SPTBN4: variants seen among roughly 807,000 people sequenced by gnomAD.
SPTBN4 encodes the protein spectrin beta, non-erythrocytic 4.
SPTBN4 carries 96 observed loss-of-function variants against 277.8 expected under a neutral mutation model. The observed-to-expected ratio is 0.35, with a 90% CI of 0.29 to 0.41. SPTBN4 has a LOEUF of 0.41. Among genes scored for constraint, SPTBN4 ranks in the 10% least tolerant of loss-of-function variants. SPTBN4 has a pLI of 1.00. For synonymous variants in SPTBN4, 1,481 were observed against 1,580.3 expected (o/e 0.94, Z 1.49); for missense variants, 3,006 against 3,595.7 (o/e 0.84, Z 4.19).
Position 40,515,922 on chromosome 19 carries a change from T to C in SPTBN4, c.2903+474T>C, listed in dbSNP as rs9710191. ...CACAAAATATATATATACACACACA[T>C]ATATATACACACATATATACGTATA... is the stretch of plus-strand genomic sequence containing the variant. On this transcript the variant is annotated intron_variant, in intron 15 of 35. Coordinates refer to ENST00000598249, the MANE Select transcript of SPTBN4 (RefSeq NM_020971.3). This position sits in a 1 kb window ranked among gnomAD's most constrained non-coding sequence, Gnocchi z 4.1. 2.8e-5 allele frequency among the ~76,000 whole-genome samples: 3 copies of C among 105,280 alleles called. No individual in the cohort carries two copies. The highest frequency in any genetic ancestry group is 1.6e-4 in the African/African-American group (3 of 18,332). 69.1% of individuals were successfully genotyped at this position (105,280 alleles called of 152,430 possible). A position where few individuals can be genotyped will look rare whatever the true frequency, so the allele number is the denominator to read the frequency against.
intron 30 of SPTBN4, chr19:40,567,165 G>A (rs1366779169): frequency 4.4e-6 from 2 of 455,110 alleles, no homozygotes; most frequent in Non-Finnish European, 8.8e-6. Flanking sequence ...GTGATGGCAC[G>A]TGCCTGTAGT....
Position 40,506,930 on chromosome 19 carries a change from G to A in SPTBN4, c.1816+544G>A, listed in dbSNP as rs2080337457. 2.0e-5 allele frequency among the ~76,000 whole-genome samples: 3 copies of A among 152,164 alleles called. No homozygotes were observed. The South Asian group carries it at 6.2e-4, about 32-fold the overall frequency. On this transcript the variant is annotated intron_variant, in intron 13 of 35. Coordinates refer to ENST00000598249, the MANE Select transcript of SPTBN4 (RefSeq NM_020971.3). ...GGCCAGGAATTGGAGGCTTCAGTGA[G>A]CCATGATCATGCCACTACACTCCAG...
chr19:40,560,069 C>T lies in SPTBN4; in HGVS notation c.5671-90C>T. The T allele has an allele frequency of 6.9e-7, 1 of 1,458,130 alleles. No homozygotes were observed. The highest frequency in any genetic ancestry group is 9.0e-7 in the Non-Finnish European group (1 of 1,109,768). 90.3% of individuals were successfully genotyped at this position (1,458,130 alleles called of 1,614,324 possible). A position where few individuals can be genotyped will look rare whatever the true frequency, so the allele number is the denominator to read the frequency against. On this transcript the variant is annotated intron_variant, in intron 26 of 35. Transcript: ENST00000598249. This position sits in a 1 kb window ranked among gnomAD's most constrained non-coding sequence, Gnocchi z 5.2. ...GATCACAGTGTGAGGCTCCTTATAT[C>T]TTGAGGTTCTGCGCTGGAGCAGATG... is the stretch of plus-strand genomic sequence containing the variant.
chr19:40,515,187 G>A lies in SPTBN4; in HGVS notation c.2766-124G>A. ...AAAATAAGCAGCAAGTAGAAGAGAA[G>A]GAGCCCACAAAGGAGGCTGAAAAGA... On this transcript the variant is annotated intron_variant, in intron 14 of 35. Transcript: ENST00000598249. The surrounding 1 kb of genome is among the most constrained non-coding windows in gnomAD (Gnocchi z 4.1). The A allele has an allele frequency of 1.1e-6, 1 of 884,970 alleles. No homozygotes were observed. Among genetic ancestry groups the A allele is most frequent in the South Asian group, 2.8e-5 (1 of 35,700 alleles). 54.8% of individuals were successfully genotyped at this position (884,970 alleles called of 1,614,324 possible). A position where few individuals can be genotyped will look rare whatever the true frequency, so the allele number is the denominator to read the frequency against.
rs1368076521 is a variant in SPTBN4, at chr19:40,478,060, G to A, written c.169+5270G>A. Among the ~76,000 whole-genome samples the A allele has an allele frequency of 3.9e-5, 6 of 152,014 alleles. No individual in the cohort carries two copies. In the East Asian group the frequency reaches 9.7e-4, roughly 25 times the overall value. ...TCACCATGTTGGCCAGGCTGGTCTC[G>A]AACTCCTGACATCAGGTGACCCACC... On this transcript the variant is annotated intron_variant, in intron 2 of 35. Coordinates refer to ENST00000598249, the MANE Select transcript of SPTBN4 (RefSeq NM_020971.3).
In SPTBN4 at chr19:40,489,743, G is replaced by C. The variant is rs148587335; in HGVS notation, c.322-332G>C. Among the ~76,000 whole-genome samples, 647 of 152,140 alleles carry C rather than the reference G, an allele frequency of 4.3e-3. 4 individuals carry two copies. The highest frequency in any genetic ancestry group is 6.8e-3 in the Middle Eastern group (2 of 294). On this transcript the variant is annotated intron_variant, in intron 3 of 35. Transcript: ENST00000598249. ...GAGAGGGATCCAATGGCAGGGCCAGGGCTGAGACTATGGGCTAGGAGGGCG... is the reference window on the plus strand; with the variant it reads ...GAGAGGGATCCAATGGCAGGGCCAGCGCTGAGACTATGGGCTAGGAGGGCG...
chr19:40,515,240 C>T lies in SPTBN4; in HGVS notation c.2766-71C>T, dbSNP rs2080440259. ...GGTGGATTGAGAATTAGGAGTAGAA[C>T]CAGTAGAAGGTATTTCATAAAACCA... On this transcript the variant is annotated intron_variant, in intron 14 of 35. Coordinates refer to ENST00000598249, the MANE Select transcript of SPTBN4 (RefSeq NM_020971.3). The surrounding 1 kb of genome is among the most constrained non-coding windows in gnomAD (Gnocchi z 4.1). 2 of 1,536,886 alleles carry T rather than the reference C, an allele frequency of 1.3e-6. No homozygotes were observed. The highest frequency in any genetic ancestry group is 4.3e-5 in the Admixed American group (2 of 46,434).
At chr19:40,478,786 G>A (rs1016814897) in intron 2 of SPTBN4, among the ~76,000 whole-genome samples, 16 of 152,080 alleles carry the variant, frequency 1.1e-4, no homozygotes, top group Admixed American at 3.9e-4. Flanking sequence ...ACCTCAAGTG[G>A]TCCACCTGCC....
chr19:40,542,383 C>T (rs530695245), intron 20 of SPTBN4, among the ~76,000 whole-genome samples: 2 of 152,184 alleles, frequency 1.3e-5, no homozygotes, highest in African/African-American at 2.4e-5. Context: ...AATCCTCTCT[C>T]GGGGCCTGTT....
Position 40,554,172 on chromosome 19 carries a change from A to T in SPTBN4, c.4700A>T (p.His1567Leu). 2 of 1,447,778 alleles carry T rather than the reference A, an allele frequency of 1.4e-6. No homozygotes were observed. The highest frequency in any genetic ancestry group is 1.8e-6 in the Non-Finnish European group (2 of 1,115,646). The allele number at this position is 1,447,778 out of a possible 1,614,324, so 89.7% of individuals were successfully genotyped here. ...NQGLRREIQAHGPRLEEVLER... is the reference protein window; with the variant it reads ...NQGLRREIQALGPRLEEVLER... ...GGCCTGCGGCGGGAGATCCAGGCGC[A>T]TGGGCCGCGCCTGGAGGAGGTGCTG... is the stretch of plus-strand genomic sequence containing the variant. The change falls in exon 23 of 36, where the codon CAT (histidine) becomes CTT (leucine). Residue 1567 changes from histidine to leucine, a missense_variant. Around this residue, in one of 5 missense-constraint regions of SPTBN4, gnomAD observed 1,759 missense variants for 2,061.5 expected, o/e 0.85. Coordinates refer to ENST00000598249, the MANE Select transcript of SPTBN4 (RefSeq NM_020971.3). This position sits in a 1 kb window ranked among gnomAD's most constrained non-coding sequence, Gnocchi z 5.7.
rs764259403 is a variant in SPTBN4, at chr19:40,570,526, C to G, written c.7117C>G (p.Arg2373Gly). Residue 2373 changes from arginine (R) to glycine (G), a missense_variant, in exon 33 of 36, where the codon CGG (arginine) becomes GGG (glycine). Around this residue, in one of 5 missense-constraint regions of SPTBN4, gnomAD observed 630 missense variants for 677.6 expected, o/e 0.93. Coordinates refer to ENST00000598249, the MANE Select transcript of SPTBN4 (RefSeq NM_020971.3). ...GCGGACACCTCGGCCGGACCGGCCC[C>G]GGGCGCGGGACCGGCCCAAGCCGCG... The part of the protein sequence containing the change: ...PERTPRPDRP[R>G]ARDRPKPRRR... 2 of 1,456,752 alleles carry G rather than the reference C, an allele frequency of 1.4e-6. No individual in the cohort carries two copies. The highest frequency in any genetic ancestry group is 1.4e-5 in the South Asian group (1 of 73,524). The allele number at this position is 1,456,752 out of a possible 1,614,324, so 90.2% of individuals were successfully genotyped here.
chr19:40,545,549 C>T (rs182973582), intron 20 of SPTBN4, among the ~76,000 whole-genome samples: 25 of 152,312 alleles, frequency 1.6e-4, no homozygotes, highest in Admixed American at 1.1e-3. Flanking sequence ...GTGCCCATCT[C>T]CCAACATCTT....
chr19:40,567,670 A>G lies in SPTBN4; in HGVS notation c.6344A>G (p.Lys2115Arg), dbSNP rs778576698. ...SSLRRLTTIE[K>R]IKAEQSKQPP... ...TGGTCCCTCCATCCTCAGATCGAGA[A>G]AATCAAAGCGGAACAGAGCAAGCAG... is the stretch of plus-strand genomic sequence containing the variant. Residue 2115 changes from lysine (K) to arginine (R), a missense_variant, in exon 31 of 36, where the codon AAA becomes AGA. By Grantham distance (26) the Lys-to-Arg change is conservative. Coordinates refer to ENST00000598249, the MANE Select transcript of SPTBN4 (RefSeq NM_020971.3). 2.8e-5 allele frequency: 43 copies of G among 1,524,178 alleles called. No homozygotes were observed. The South Asian group carries it at 4.2e-4, about 15-fold the overall frequency. 94.4% of individuals were successfully genotyped at this position (1,524,178 alleles called of 1,614,324 possible). A position where few individuals can be genotyped will look rare whatever the true frequency, so the allele number is the denominator to read the frequency against.
Position 40,513,237 on chromosome 19 carries a change from C to G in SPTBN4, c.2448C>G (p.Arg816=). 1 of 1,516,200 alleles carries G rather than the reference C, an allele frequency of 6.6e-7. No individual in the cohort carries two copies. 93.9% of individuals were successfully genotyped at this position (1,516,200 alleles called of 1,614,324 possible). The part of the protein sequence containing the change: ...ASSRRLARQH[R]ALTGEVEAHR... ...GCCGCCGCCTGGCGCGCCAGCACCG[C>G]GCGCTCACCGGGGAGGTGGAGGCAC... Residue 816 remains arginine, a synonymous_variant, in exon 14 of 36, where the codon CGC becomes CGG. Coordinates refer to ENST00000598249, the MANE Select transcript of SPTBN4 (RefSeq NM_020971.3).
At chr19:40,561,848 A>C (rs1034086178) in intron 27 of SPTBN4, among the ~76,000 whole-genome samples, 1 of 152,122 alleles carries the variant, frequency 6.6e-6, no homozygotes, top group African/African-American at 2.4e-5. Context: ...AAAAGAAAAA[A>C]AAATGAAATA....
At chr19:40,571,289 A>G (rs910918913) in intron 33 of SPTBN4, among the ~76,000 whole-genome samples, 7 of 152,174 alleles carry the variant, frequency 4.6e-5, no homozygotes, top group Non-Finnish European at 8.8e-5. Context: ...GCAGAGCCCA[A>G]ACTAATGAGG....
intron 6 of SPTBN4, among the ~76,000 whole-genome samples, chr19:40,495,797 G>A (rs2080190522): frequency 6.6e-6 from 1 of 152,164 alleles, no homozygotes; most frequent in African/African-American, 2.4e-5. Context: ...ACACAAATTA[G>A]ACACACATCA....
At chr19:40,472,254 AG>A (rs1568751002) in intron 1 of SPTBN4, among the ~76,000 whole-genome samples, 1 of 151,836 alleles carries the variant, frequency 6.6e-6, no homozygotes. Context: ...CATGTTGCCC[AG>A]GCTTGTCTCG....
At chr19:40,493,189 G>A in intron 5 of SPTBN4, 135 bp downstream of exon 5, 2 of 681,402 alleles carry the variant, frequency 2.9e-6, no homozygotes, top group Non-Finnish European at 2.5e-6. Context: ...CTAACCAGCT[G>A]GTAAATAAAA....
Sources: gnomAD v4.1 joint callset for allele counts (sites outside exome capture counted in the v4.1 genomes callset) on GRCh38, gnomAD v4.1.1 for gene constraint, gnomAD v4.1.1 regional missense constraint, Gnocchi (gnomAD v3.1) non-coding constraint, MANE v1.5 for transcripts, NCBI Gene and HGNC (gene_info 2026-07-23, HGNC 2026-07-21) for gene names.